Variants in CANX observed in about 807,000 individuals in gnomAD.
The protein encoded by CANX is calnexin.
In CANX, 14 loss-of-function variants were observed where a neutral mutation model predicts 75.7. The observed-to-expected ratio is 0.19, with a 90% CI of 0.12 to 0.29. The LOEUF (loss-of-function observed/expected upper bound fraction) is 0.29, where lower values mean the gene tolerates loss of function less well. Ranked by LOEUF, CANX falls within the 10% of genes least tolerant of loss-of-function variation. CANX has a pLI of 1.00. For synonymous variants in CANX, 227 were observed against 236.9 expected (o/e 0.96, Z 0.38); for missense variants, 567 against 713.2 (o/e 0.79, Z 2.34).
chr5:179,682,724 A>AC (rs1475585718), intron 1 of CANX, among the ~76,000 whole-genome samples: 3 of 151,792 alleles, frequency 2.0e-5, no homozygotes, highest in Non-Finnish European at 2.9e-5. Context: ...AAAAAAAAAA[A>AC]AAAACCCTAA....
At chr5:179,690,888 A>C (rs960142130) in intron 1 of CANX, among the ~76,000 whole-genome samples, 13 of 150,776 alleles carry the variant, frequency 8.6e-5, no homozygotes, top group Middle Eastern at 3.4e-3. Context: ...GACTCTCTCA[A>C]AAAAAAAAAT....
At chr5:179,717,744 G>A (rs1778051522) in intron 8 of CANX, among the ~76,000 whole-genome samples, 1 of 150,502 alleles carries the variant, frequency 6.6e-6, no homozygotes. Context: ...GAGATGGAGT[G>A]TAGCTCTGTC....
chr5:179,718,328 C>G (rs1778096184), intron 8 of CANX, among the ~76,000 whole-genome samples: 1 of 151,748 alleles, frequency 6.6e-6, no homozygotes, highest in Admixed American at 6.6e-5. Context: ...AAGCGTGCAC[C>G]ACTGCACTCG....
chr5:179,714,466 A>G (rs1470752813), intron 7 of CANX, among the ~76,000 whole-genome samples: 2 of 152,178 alleles, frequency 1.3e-5, no homozygotes, highest in Non-Finnish European at 2.9e-5. Context: ...ATATGTGTAT[A>G]TACACATATA....
intron 1 of CANX, chr5:179,700,658 C>T (rs941969760): frequency 1.3e-5 from 2 of 153,312 alleles, no homozygotes; most frequent in Non-Finnish European, 1.5e-5. Flanking sequence ...CCTTACTCCC[C>T]AGTTCATTTA....
In CANX at chr5:179,708,333, T is replaced by G; in HGVS notation, c.399T>G (p.Ala133=). ...GGGCCAAGCATCATGCCATCTCTGCTAAACTGAACAAGCCCTTCCTGTTTG... is the reference window on the plus strand; with the variant it reads ...GGGCCAAGCATCATGCCATCTCTGCGAAACTGAACAAGCCCTTCCTGTTTG... The part of the protein sequence containing the change: ...MSRAKHHAIS[A]KLNKPFLFDT... Residue 133 remains alanine (A), a synonymous_variant, in exon 5 of 15, where the codon GCT becomes GCG. Coordinates refer to ENST00000247461, the MANE Select transcript of CANX (RefSeq NM_001746.4). 6.2e-7 allele frequency: 1 copy of G among 1,614,078 alleles called. No individual in the cohort carries two copies.
At chr5:179,720,875 C>G (rs1440801576) in intron 10 of CANX, among the ~76,000 whole-genome samples, 1 of 152,060 alleles carries the variant, frequency 6.6e-6, no homozygotes, top group Admixed American at 6.6e-5. Context: ...CCTCTGCCTT[C>G]CGGTTTCAAG....
At chr5:179,698,646 C>A, upstream of CANX, 2 of 1,215,674 alleles carry the variant, frequency 1.6e-6, no homozygotes, top group Non-Finnish European at 2.2e-6. Context: ...CCGAAGGCAC[C>A]ACAGCAACCG....
intron 1 of CANX, 142 bp downstream of exon 1, chr5:179,699,244 C>T: frequency 9.5e-6 from 4 of 422,768 alleles, no homozygotes; most frequent in Non-Finnish European, 1.3e-5. Flanking sequence ...GGCCGACGCG[C>T]CCGCCGTGAG....
chr5:179,678,929 C>T lies in CANX; in HGVS notation c.-4+152C>T, dbSNP rs1437372605. 2.0e-6 allele frequency: 3 copies of T among 1,535,068 alleles called. No homozygotes were observed. In the African/African-American group the frequency reaches 4.1e-5, roughly 21 times the overall value. On this transcript the variant is annotated intron_variant, in intron 1 of 14. Coordinates refer to the CANX transcript ENST00000681674. ...GCCGCGGAACACGAAGGCCTGGTTGCTGAGGCGCATGCACGGCGCGCCGTA... is the reference window on the plus strand; with the variant it reads ...GCCGCGGAACACGAAGGCCTGGTTGTTGAGGCGCATGCACGGCGCGCCGTA...
intron 1 of CANX, among the ~76,000 whole-genome samples, chr5:179,686,258 C>G (rs1290237698): frequency 6.6e-6 from 1 of 151,292 alleles, no homozygotes; most frequent in Non-Finnish European, 1.5e-5. Flanking sequence ...CCACCACACC[C>G]AGCCAATTTC....
At chr5:179,685,671 C>T (rs1776178716) in intron 1 of CANX, among the ~76,000 whole-genome samples, 1 of 150,880 alleles carries the variant, frequency 6.6e-6, no homozygotes, top group South Asian at 2.1e-4. Flanking sequence ...ACTCCTGCCT[C>T]AGCCTCCCAA....
chr5:179,698,827 T>A, upstream of CANX: 1 of 766,342 alleles, frequency 1.3e-6, no homozygotes, highest in African/African-American at 1.9e-5. Flanking sequence ...TATGGGACGG[T>A]GCGTAGAGCG....
chr5:179,685,437 G>C (rs1274398837), intron 1 of CANX, among the ~76,000 whole-genome samples: 1 of 151,456 alleles, frequency 6.6e-6, no homozygotes, highest in Non-Finnish European at 1.5e-5. Context: ...TAGTAGAGAC[G>C]GTGTTTCTCT....
At chr5:179,694,669 A>G, upstream of CANX, 1 of 759,824 alleles carries the variant, frequency 1.3e-6, no homozygotes, top group Non-Finnish European at 2.3e-6. Context: ...TCTAAGTCGA[A>G]AGGGAAGTTT....
At chr5:179,691,299 A>G (rs1776295269) in intron 1 of CANX, among the ~76,000 whole-genome samples, 1 of 152,134 alleles carries the variant, frequency 6.6e-6, no homozygotes, top group Non-Finnish European at 1.5e-5. Flanking sequence ...TGCTGGGATT[A>G]CAGGTGTGAG....
intron 3 of CANX, among the ~76,000 whole-genome samples, chr5:179,706,760 A>G (rs1347566966): frequency 2.6e-5 from 4 of 152,158 alleles, no homozygotes; most frequent in Admixed American, 1.3e-4. Flanking sequence ...CCTGGCCTGA[A>G]ATTTCTAGCT....
In CANX at chr5:179,686,786, T is replaced by C. The variant is rs953057182; in HGVS notation, c.-4+8009T>C. Among the ~76,000 whole-genome samples the C allele has an allele frequency of 9.2e-5, 14 of 152,040 alleles. No homozygotes were observed. In the East Asian group the frequency reaches 2.3e-3, roughly 25 times the overall value. On this transcript the variant is annotated intron_variant, in intron 1 of 14. Transcript: ENST00000681674. ...TGCTCAAATTGCAGTTTTTGTTTGT[T>C]TGTTTCTTTGAGACAGAGCTTTGCT...
chr5:179,682,272 G>T (rs1207242764), intron 1 of CANX, among the ~76,000 whole-genome samples: 2 of 149,064 alleles, frequency 1.3e-5, no homozygotes, highest in Non-Finnish European at 3.0e-5. Context: ...AAAAAGGAAT[G>T]ATTAAATTAA....
Sources: allele counts gnomAD v4.1 joint callset (sites outside exome capture counted in the v4.1 genomes callset), GRCh38; gene constraint gnomAD v4.1.1; transcripts MANE v1.5; gene names NCBI Gene and HGNC (gene_info 2026-07-23, HGNC 2026-07-21).